RPS15: variants seen among roughly 807,000 people sequenced by gnomAD.
RPS15 encodes the protein small ribosomal subunit protein uS19.
Under a neutral mutation model 14.9 loss-of-function variants are expected in RPS15, and 5 were observed. That is an observed-to-expected ratio of 0.34 (90% CI 0.18 to 0.70). The LOEUF (loss-of-function observed/expected upper bound fraction) is 0.70. Ranked by LOEUF, RPS15 falls within the 30% of genes least tolerant of loss-of-function variation. The probability of loss-of-function intolerance (pLI) is 0.65; values close to 1 mark genes in which losing one functional copy is unlikely to be tolerated. For synonymous variants in RPS15, 103 were observed against 85.0 expected, an observed-to-expected ratio of 1.21 and a Z score of -1.16; for missense variants, 102 against 204.2, an observed-to-expected ratio of 0.50 and a Z score of 3.05.
chr19:1,439,687 G>A (rs2083637546), intron 2 of RPS15: 2 of 575,296 alleles, frequency 3.5e-6, no homozygotes, highest in South Asian at 2.2e-5. Context: ...GAGCCACTGC[G>A]CCCTACCTGC....
rs758949305 is a variant in RPS15 at position 1,440,444 on chromosome 19, C to A, written c.420C>A (p.Arg140=). The change falls in exon 4 of 4, where the codon CGC becomes CGA. Residue 140 remains arginine, a synonymous_variant. Coordinates refer to ENST00000592588, the MANE Select transcript of RPS15 (RefSeq NM_001018.5). ...GCATCGGGGCCACCCACTCCTCCCG[C>A]TTCATCCCTCTCAAGTAATGGCTCA... ...RPGIGATHSS[R]FIPLK The A allele has an allele frequency of 6.2e-7, 1 of 1,613,202 alleles. No homozygotes were observed.
At chr19:1,440,295 G>C (rs1206688116) in intron 3 of RPS15, 42 bp downstream of exon 3, 1 of 1,611,200 alleles carries the variant, frequency 6.2e-7, no homozygotes, top group Admixed American at 1.7e-5. Context: ...GGCTGGGGTC[G>C]CCTGATGCAG....
rs1249694251 is a variant in RPS15 at position 1,438,505 on chromosome 19, C to T, written c.3+77C>T. 1 of 1,610,508 alleles carries T rather than the reference C, an allele frequency of 6.2e-7. No individual in the cohort carries two copies. Among genetic ancestry groups the T allele is most frequent in the Non-Finnish European group, 8.5e-7 (1 of 1,178,786 alleles). On this transcript the variant is annotated intron_variant, in intron 1 of 3. Coordinates refer to ENST00000592588, the MANE Select transcript of RPS15 (RefSeq NM_001018.5). The surrounding 1 kb of genome is among the most constrained non-coding windows in gnomAD (Gnocchi z 4.8). ...ACCTCTGACCGTCTCGCGGGGGCCG[C>T]AGTTCGTCCCCGCGGCTACGGCGGC...
At chr19:1,439,089 GC>G (rs1267836906) in intron 2 of RPS15, 197 bp downstream of exon 2, 13 of 556,010 alleles carry the variant, frequency 2.3e-5, no homozygotes, top group Non-Finnish European at 4.1e-5. Context: ...TTTGCAACCT[GC>G]CCCCCGTTGT....
chr19:1,438,581 G>A lies in RPS15; in HGVS notation c.3+153G>A. On this transcript the variant is annotated intron_variant, in intron 1 of 3. Coordinates refer to ENST00000592588, the MANE Select transcript of RPS15 (RefSeq NM_001018.5). The surrounding 1 kb of genome is among the most constrained non-coding windows in gnomAD (Gnocchi z 4.8). ...GATGTTGGGGCGAGGGGCGGACTTG[G>A]TGGGTGTCGGGACGACGCGGGGCTG... 6.4e-7 allele frequency: 1 copy of A among 1,555,746 alleles called. No homozygotes were observed. Among genetic ancestry groups the A allele is most frequent in the Non-Finnish European group, 8.7e-7 (1 of 1,148,954 alleles).
rs772418314 is a variant in RPS15 at position 1,440,094 on chromosome 19, C to T, written c.165C>T (p.Ser55=). ...LNRGLRRKQH[S]LLKRLRKAKK... is the part of the protein sequence containing the mutation. Reference sequence around the variant, plus strand: ...GGGGCCTGCGGCGGAAGCAGCACTCCCTGCTGAAGCGCCTGCGCAAGGCCA... The same window carrying T: ...GGGGCCTGCGGCGGAAGCAGCACTCTCTGCTGAAGCGCCTGCGCAAGGCCA... The change falls in exon 3 of 4, where the codon TCC becomes TCT. Residue 55 remains serine, a synonymous_variant. Coordinates refer to ENST00000592588, the MANE Select transcript of RPS15 (RefSeq NM_001018.5). 7 of 1,585,340 alleles carry T rather than the reference C, an allele frequency of 4.4e-6. No individual in the cohort carries two copies. The East Asian group carries it at 1.4e-4, about 31-fold the overall frequency.
At chr19:1,439,913 G>A (rs2083639528) in intron 2 of RPS15, 106 bp from the exon 3 acceptor site, 2 of 922,688 alleles carry the variant, frequency 2.2e-6, no homozygotes, top group Non-Finnish European at 3.4e-6. Context: ...GGTCCACTGC[G>A]GCTCTGTCCC....
intron 3 of RPS15, 26 bp from the exon 4 acceptor site, chr19:1,440,323 C>G (rs1295937176): frequency 6.2e-7 from 1 of 1,611,760 alleles, no homozygotes; most frequent in Non-Finnish European, 8.5e-7. Context: ...CAGCTGACAC[C>G]CAGCTTTGCT....
chr19:1,439,212 G>C, intron 2 of RPS15: 2 of 347,018 alleles, frequency 5.8e-6, no homozygotes, highest in Non-Finnish European at 1.0e-5. Flanking sequence ...GAGGTCGCTG[G>C]GTCCTTTCCA....
chr19:1,440,375 C>T lies in RPS15; in HGVS notation c.351C>T (p.Gly117=), dbSNP rs139332437. ...IKPEMIGHYL[G]EFSITYKPVK... ...CCGAGATGATCGGCCACTACCTGGG[C>T]GAGTTCTCCATCACCTACAAGCCCG... The change falls in exon 4 of 4, where the codon GGC becomes GGT. Residue 117 remains glycine (G), a synonymous_variant. Transcript: ENST00000592588. 3.2e-3 allele frequency: 5,185 copies of T among 1,613,946 alleles called. 15 individuals are homozygous for T. Among genetic ancestry groups the T allele is most frequent in the Non-Finnish European group, 3.6e-3 (4,218 of 1,179,870 alleles).
Sources: gnomAD v4.1 joint callset for allele counts on GRCh38, gnomAD v4.1.1 for gene constraint, Gnocchi (gnomAD v3.1) non-coding constraint, MANE v1.5 for transcripts, NCBI Gene and HGNC (gene_info 2026-07-23, HGNC 2026-07-21) for gene names.